Variants in ZNF445 observed in about 807,000 individuals in gnomAD.
The protein encoded by ZNF445 is zinc finger protein 445.
Under a neutral mutation model 93.9 loss-of-function variants are expected in ZNF445, and 19 were observed. That is an observed-to-expected ratio of 0.20 (90% CI 0.14 to 0.30). The LOEUF is 0.30. Among genes scored for constraint, ZNF445 ranks in the 10% least tolerant of loss-of-function variants. The pLI is 1.00. For synonymous variants in ZNF445, 449 were observed against 446.3 expected (o/e 1.01, Z -0.08); for missense variants, 1,058 against 1,259.4 (o/e 0.84, Z 2.42).
chr3:44,462,501 C>T (rs79909141), intron 1 of ZNF445, among the ~76,000 whole-genome samples: 5,510 of 152,222 alleles, frequency 0.036, 139 homozygotes, highest in Non-Finnish European at 0.058. Flanking sequence ...CTTTGCTTTT[C>T]GACAATGGCA....
chr3:44,468,026 A>G (rs1184847527), intron 1 of ZNF445, among the ~76,000 whole-genome samples: 4 of 152,210 alleles, frequency 2.6e-5, no homozygotes, highest in Non-Finnish European at 5.9e-5. Flanking sequence ...TACTGCAGTA[A>G]AATTACAGAT....
At chr3:44,453,689 T>C (rs776416123) in intron 3 of ZNF445, among the ~76,000 whole-genome samples, 40 of 152,320 alleles carry the variant, frequency 2.6e-4, no homozygotes, top group Non-Finnish European at 5.6e-4. Flanking sequence ...CTCCCCTGTG[T>C]GCAGGAGAAG....
chr3:44,451,545 AG>A (rs1199189678), intron 3 of ZNF445, 63 bp from the exon 4 acceptor site: 13 of 1,544,446 alleles, frequency 8.4e-6, no homozygotes, highest in African/African-American at 1.4e-5. Context: ...CTCAGAGAAG[AG>A]ACCACATGAC....
chr3:44,448,080 G>A lies in ZNF445; in HGVS notation c.1591C>T (p.His531Tyr), dbSNP rs746430211. The A allele has an allele frequency of 6.2e-7, 1 of 1,612,872 alleles. No individual in the cohort carries two copies. The highest frequency in any genetic ancestry group is 8.5e-7 in the Non-Finnish European group (1 of 1,180,024). Residue 531 changes from histidine to tyrosine, a missense_variant, in exon 8 of 8, where the codon CAT (histidine) becomes TAT (tyrosine). Around this residue, in one of 3 missense-constraint regions of ZNF445, gnomAD observed 657 missense variants for 746.4 expected, o/e 0.88. Coordinates refer to ENST00000396077, the MANE Select transcript of ZNF445 (RefSeq NM_181489.6). The part of the protein sequence containing the change: ...AFRWSSNCAR[H>Y]EKIHTGVKPY... ...TTCACTCCAGTGTGAATTTTCTCATGCCGCGCACAGTTGGAACTCCACCGG... is the reference window on the plus strand; with the variant it reads ...TTCACTCCAGTGTGAATTTTCTCATACCGCGCACAGTTGGAACTCCACCGG...
intron 1 of ZNF445, among the ~76,000 whole-genome samples, chr3:44,458,858 T>A (rs1358161239): frequency 1.3e-5 from 2 of 152,188 alleles, no homozygotes; most frequent in African/African-American, 4.8e-5. Flanking sequence ...TCCTGCCTCA[T>A]ACTCAGTAAG....
At position 44,477,667 on chromosome 3, in the gene ZNF445, C is replaced by T. The variant is rs1239151580; in HGVS notation, c.-345G>A. On this transcript the variant is annotated 5_prime_UTR_variant, in exon 1 of 8. Transcript: ENST00000396077. ...CCGTCCCGCGCCTACCTCCCGGCGGCTCCAGTCGCGCACGCGCGTCGGCGC... is the reference window on the plus strand; with the variant it reads ...CCGTCCCGCGCCTACCTCCCGGCGGTTCCAGTCGCGCACGCGCGTCGGCGC... 6.6e-6 allele frequency: 1 copy of T among 152,488 alleles called. No individual in the cohort carries two copies. The highest frequency in any genetic ancestry group is 1.5e-5 in the Non-Finnish European group (1 of 68,144). The allele number at this position is 152,488 out of a possible 1,614,324, so 9.4% of individuals were successfully genotyped here.
chr3:44,476,484 G>A (rs1559401903), intron 1 of ZNF445, among the ~76,000 whole-genome samples: 1 of 151,512 alleles, frequency 6.6e-6, no homozygotes, highest in African/African-American at 2.4e-5. Context: ...CACACACGCA[G>A]ACACACACAC....
chr3:44,450,137 C>A (rs1697936977), intron 6 of ZNF445: 3 of 363,970 alleles, frequency 8.2e-6, no homozygotes, highest in South Asian at 7.7e-5. Context: ...TGGGGTTTCA[C>A]TATGTTGCCC....
intron 6 of ZNF445, 32 bp from the exon 7 acceptor site, chr3:44,449,655 G>A (rs1319850045): frequency 6.4e-7 from 1 of 1,552,912 alleles, no homozygotes; most frequent in Non-Finnish European, 8.9e-7. Flanking sequence ...CATGAGAAGG[G>A]AGATGGATGA....
At position 44,459,317 on chromosome 3, in the gene ZNF445, A is replaced by T. The variant is rs576284087; in HGVS notation, c.-268-953T>A. Among the ~76,000 whole-genome samples the T allele has an allele frequency of 5.3e-5, 8 of 152,348 alleles. No individual in the cohort carries two copies. In the East Asian group the frequency reaches 1.4e-3, roughly 26 times the overall value. ...AATACAATCAGAAAATTAATCAACAAAATAAAACACCCAGAAATAAAGCTA... is the reference window on the plus strand; with the variant it reads ...AATACAATCAGAAAATTAATCAACATAATAAAACACCCAGAAATAAAGCTA... On this transcript the variant is annotated intron_variant, in intron 1 of 7. Coordinates refer to ENST00000396077, the MANE Select transcript of ZNF445 (RefSeq NM_181489.6).
rs1697894152 is a variant in ZNF445, at chr3:44,447,475, G to A, written c.2196C>T (p.Ala732=). The A allele has an allele frequency of 6.2e-7, 1 of 1,613,964 alleles. No individual in the cohort carries two copies. The highest frequency in any genetic ancestry group is 1.1e-5 in the South Asian group (1 of 91,076). Residue 732 remains alanine, a synonymous_variant, in exon 8 of 8, where the codon GCC becomes GCT. Transcript: ENST00000396077. This position sits in a 1 kb window ranked among gnomAD's most constrained non-coding sequence, Gnocchi z 4.7. The part of the protein sequence containing the change: ...SAFIVHKKKH[A]MKRKPEGGPS... ...GCCCGCCCTCAGGTTTTCTTTTCAT[G>A]GCATGCTTCTTCTTATGAACAATAA...
Position 44,440,501 on chromosome 3 carries a change from A to T in ZNF445, c.*6074T>A, listed in dbSNP as rs1208996688. On this transcript the variant is annotated 3_prime_UTR_variant, in exon 8 of 8. Transcript: ENST00000396077. ...GTGACTGTGCGTCAGTATATAGAGA[A>T]CATCCTCATTTTTAAAAAAACTGTG... is the stretch of plus-strand genomic sequence containing the variant. 1 of 152,196 alleles carries T rather than the reference A, an allele frequency of 6.6e-6. No homozygotes were observed. The highest frequency in any genetic ancestry group is 1.5e-5 in the Non-Finnish European group (1 of 68,036). The allele number at this position is 152,196 out of a possible 1,614,324, so 9.4% of individuals were successfully genotyped here.
At chr3:44,477,420 C>G (rs969704378) in intron 1 of ZNF445, among the ~76,000 whole-genome samples, 171 bp downstream of exon 1, 2 of 152,166 alleles carry the variant, frequency 1.3e-5, no homozygotes, top group East Asian at 3.9e-4. Context: ...GTTCTAGATA[C>G]GCCCTCAGCG....
At chr3:44,455,957 T>C (rs909412448) in intron 2 of ZNF445, among the ~76,000 whole-genome samples, 1 of 152,088 alleles carries the variant, frequency 6.6e-6, no homozygotes, top group East Asian at 1.9e-4. Flanking sequence ...TCTAAATAAA[T>C]GAACAGACAT....
Position 44,434,831 on chromosome 3 carries a change from TTTG to T in ZNF445, c.*11741_*11743del, listed in dbSNP as rs904082167. On this transcript the variant is annotated 3_prime_UTR_variant, in exon 8 of 8. Coordinates refer to ENST00000396077, the MANE Select transcript of ZNF445 (RefSeq NM_181489.6). ...CCCGCTTGCTTTTGGTTGCTTGCTC[TTTG>T]TTATTTTTTCCCCCATGAAGCTGAA... The T allele has an allele frequency of 6.7e-6, 1 of 149,724 alleles. No individual in the cohort carries two copies. Among genetic ancestry groups the T allele is most frequent in the African/African-American group, 2.6e-5 (1 of 39,062 alleles). 9.3% of individuals were successfully genotyped at this position (149,724 alleles called of 1,614,324 possible).
chr3:44,473,490 C>CACACACACACACACACACAA (rs774842477), intron 1 of ZNF445, among the ~76,000 whole-genome samples: 1 of 56,930 alleles, frequency 1.8e-5, no homozygotes, highest in African/African-American at 4.4e-5. Flanking sequence ...CACACACACA[C>CACACACACACACACACACAA]AAAAAATGCT....
rs2125678407 is a variant in ZNF445 at position 44,447,657 on chromosome 3, G to A, written c.2014C>T (p.Gln672Ter). The A allele has an allele frequency of 6.2e-7, 1 of 1,614,016 alleles. No individual in the cohort carries two copies. The highest frequency in any genetic ancestry group is 1.7e-5 in the Admixed American group (1 of 60,018). ...FRQSPDCSQP[Q>*]GAPAVEKTFL... Reference sequence around the variant, plus strand: ...GTTTTCTCCACAGCGGGAGCACCCTGGGGCTGACTGCAGTCAGGAGATTGC... The same window carrying A: ...GTTTTCTCCACAGCGGGAGCACCCTAGGGCTGACTGCAGTCAGGAGATTGC... The change falls in exon 8 of 8, where the codon CAG becomes TAG. Residue 672 changes from glutamine (Q) to a stop codon, truncating the protein, a stop_gained. Transcript: ENST00000396077. LOFTEE classifies it high-confidence loss of function. The surrounding 1 kb of genome is among the most constrained non-coding windows in gnomAD (Gnocchi z 4.7).
At chr3:44,469,796 CA>C (rs1698240883) in intron 1 of ZNF445, among the ~76,000 whole-genome samples, 1 of 151,848 alleles carries the variant, frequency 6.6e-6, no homozygotes, top group South Asian at 2.1e-4. Context: ...CAAAACAAAA[CA>C]AAACAAACAA....
At chr3:44,458,988 C>T (rs1263767464) in intron 1 of ZNF445, among the ~76,000 whole-genome samples, 1 of 152,202 alleles carries the variant, frequency 6.6e-6, no homozygotes, top group African/African-American at 2.4e-5. Flanking sequence ...GTTGTCCATG[C>T]TTCAATCATG....
Sources: gnomAD v4.1 joint callset for allele counts (sites outside exome capture counted in the v4.1 genomes callset) on GRCh38, gnomAD v4.1.1 for gene constraint, gnomAD v4.1.1 regional missense constraint, Gnocchi (gnomAD v3.1) non-coding constraint, MANE v1.5 for transcripts, NCBI Gene and HGNC (gene_info 2026-07-23, HGNC 2026-07-21) for gene names.